Variants in DIAPH3 observed in about 807,000 individuals in gnomAD.
DIAPH3 encodes protein diaphanous homolog 3.
A neutral mutation model predicts 144.3 loss-of-function variants in DIAPH3; 117 were observed. That is an observed-to-expected ratio of 0.81 (90% confidence interval 0.70 to 0.95). DIAPH3 has a LOEUF of 0.95. DIAPH3 is among the 40% of genes least tolerant of loss of function. The pLI is 0.00. For missense variants in DIAPH3, 1,421 were observed against 1,412.7 expected, an observed-to-expected ratio of 1.01 and a Z score of -0.09; for synonymous variants, 519 against 488.9, an observed-to-expected ratio of 1.06 and a Z score of -0.81.
chr13:60,022,226 T>C (rs556925597), intron 5 of DIAPH3, among the ~76,000 whole-genome samples: 4 of 152,232 alleles, frequency 2.6e-5, no homozygotes, highest in African/African-American at 9.6e-5. Context: ...CTTTCTGACC[T>C]GCATGCCTTT....
At chr13:59,899,700 C>T (rs922381590) in intron 20 of DIAPH3, among the ~76,000 whole-genome samples, 2 of 152,142 alleles carry the variant, frequency 1.3e-5, no homozygotes, top group African/African-American at 2.4e-5. Context: ...TGACTGAAGT[C>T]GTTGGCTGTT....
At chr13:59,699,352 G>A (rs1395274357) in intron 27 of DIAPH3, among the ~76,000 whole-genome samples, 1 of 152,212 alleles carries the variant, frequency 6.6e-6, no homozygotes, top group East Asian at 1.9e-4. Flanking sequence ...ATGTGTTCTG[G>A]GAATAGCAAG....
intron 21 of DIAPH3, among the ~76,000 whole-genome samples, chr13:59,872,330 G>GT (rs1267606979): frequency 6.6e-6 from 1 of 151,900 alleles, no homozygotes; most frequent in Non-Finnish European, 1.5e-5. Context: ...AGATGGTTTT[G>GT]TTTTTTTAAA....
chr13:59,961,010 A>C (rs78575327), intron 17 of DIAPH3, among the ~76,000 whole-genome samples: 2,842 of 152,306 alleles, frequency 0.019, 46 homozygotes, highest in South Asian at 0.054. Flanking sequence ...ATCTATTATT[A>C]TTTTCTAAAG....
At chr13:60,008,350 C>T (rs1047282047) in intron 9 of DIAPH3, among the ~76,000 whole-genome samples, 194 bp downstream of exon 9, 6 of 152,078 alleles carry the variant, frequency 3.9e-5, no homozygotes, top group African/African-American at 9.7e-5. Context: ...GAGCTGAGAA[C>T]GCGCCACTGC....
chr13:59,974,509 C>T, intron 14 of DIAPH3, 53 bp from the exon 15 acceptor site: 3 of 1,417,528 alleles, frequency 2.1e-6, no homozygotes, highest in East Asian at 2.3e-5. Context: ...ATGAAAAGCA[C>T]TATTCTTCTT....
At chr13:60,010,884 T>G (rs2053203557) in intron 7 of DIAPH3, among the ~76,000 whole-genome samples, 1 of 151,908 alleles carries the variant, frequency 6.6e-6, no homozygotes, top group African/African-American at 2.4e-5. Flanking sequence ...GGCGGGCAGA[T>G]TACCTGAGGT....
chr13:59,933,930 T>C (rs1363235953), intron 17 of DIAPH3, among the ~76,000 whole-genome samples: 1 of 152,204 alleles, frequency 6.6e-6, no homozygotes, highest in Non-Finnish European at 1.5e-5. Flanking sequence ...TTAAAAATCA[T>C]AATTCCATGT....
intron 17 of DIAPH3, among the ~76,000 whole-genome samples, chr13:59,940,748 C>G (rs1303565639): frequency 6.6e-6 from 1 of 151,972 alleles, no homozygotes; most frequent in Non-Finnish European, 1.5e-5. Flanking sequence ...AGAAAACTAA[C>G]CCATAAGAGG....
At chr13:59,971,196 C>G in intron 15 of DIAPH3, 36 bp from the exon 16 acceptor site, 1 of 1,540,900 alleles carries the variant, frequency 6.5e-7, no homozygotes. Context: ...TAACTAAGAA[C>G]ATATCTACAA....
chr13:59,770,896 A>T (rs991375600), intron 27 of DIAPH3, among the ~76,000 whole-genome samples: 1 of 152,178 alleles, frequency 6.6e-6, no homozygotes, highest in African/African-American at 2.4e-5. Context: ...ATAAATAAAG[A>T]TTTAGCACAT....
At chr13:60,011,396 A>G (rs753093521) in intron 7 of DIAPH3, among the ~76,000 whole-genome samples, 4 of 152,236 alleles carry the variant, frequency 2.6e-5, no homozygotes, top group Non-Finnish European at 4.4e-5. Flanking sequence ...GCAAACACAC[A>G]GATCAACACT....
chr13:59,893,830 C>T (rs530307199), intron 20 of DIAPH3, among the ~76,000 whole-genome samples: 7 of 152,082 alleles, frequency 4.6e-5, no homozygotes, highest in Middle Eastern at 3.4e-3. Context: ...TTAATCTATG[C>T]GATTTTACAA....
intron 17 of DIAPH3, among the ~76,000 whole-genome samples, chr13:59,958,356 C>G (rs1594126743): frequency 1.3e-5 from 2 of 152,160 alleles, no homozygotes; most frequent in East Asian, 3.9e-4. Context: ...TGTGAAACAT[C>G]ATAAAACAAG....
At chr13:60,029,070 G>GAA (rs1447362411) in intron 5 of DIAPH3, among the ~76,000 whole-genome samples, 16 of 151,786 alleles carry the variant, frequency 1.1e-4, no homozygotes, top group African/African-American at 3.9e-4. Context: ...AAAAAAAAGG[G>GAA]GGGATTTTTT....
At chr13:59,778,045 T>C in intron 25 of DIAPH3, among the ~76,000 whole-genome samples, 1 of 152,212 alleles carries the variant, frequency 6.6e-6, no homozygotes, top group South Asian at 2.1e-4. Context: ...AATCTCATTG[T>C]TCTTAGGCAA....
intron 4 of DIAPH3, among the ~76,000 whole-genome samples, chr13:60,076,459 G>A (rs2057384781): frequency 6.6e-6 from 1 of 152,100 alleles, no homozygotes; most frequent in African/African-American, 2.4e-5. Context: ...TGTTGTTTCA[G>A]CACCTGATAT....
intron 24 of DIAPH3, among the ~76,000 whole-genome samples, chr13:59,819,646 T>G (rs547054590): frequency 8.8e-4 from 134 of 151,824 alleles, no homozygotes; most frequent in African/African-American, 3.0e-3. Flanking sequence ...AAAAGGGTAA[T>G]TGGACAGCCA....
intron 7 of DIAPH3, among the ~76,000 whole-genome samples, chr13:60,014,854 T>C (rs2053525723): frequency 1.3e-5 from 2 of 152,278 alleles, no homozygotes; most frequent in South Asian, 4.1e-4. Flanking sequence ...AGAAACAGCA[T>C]AGGATAATGC....
Sources: gnomAD v4.1 joint callset for allele counts (sites outside exome capture counted in the v4.1 genomes callset) on GRCh38, gnomAD v4.1.1 for gene constraint, MANE v1.5 for transcripts, NCBI Gene and HGNC (gene_info 2026-07-23, HGNC 2026-07-21) for gene names.